The following FAM120A variants were observed in gnomAD, a reference collection of about 807,000 sequenced individuals.
FAM120A encodes family with sequence similarity 120 member A, also known as constitutive coactivator of PPAR-gamma-like protein 1.
FAM120A carries 15 observed loss-of-function variants against 109.7 expected under a neutral mutation model. The ratio of observed to expected loss-of-function variants is 0.14; its 90% CI spans 0.09 to 0.21. The LOEUF (loss-of-function observed/expected upper bound fraction) is 0.21, where lower values mean the gene tolerates loss of function less well. Ranked by LOEUF, FAM120A falls within the 10% of genes least tolerant of loss-of-function variation. The pLI is 1.00. For synonymous variants in FAM120A, 493 were observed against 572.8 expected (o/e 0.86, Z 1.99); for missense variants, 899 against 1,439.3 (o/e 0.62, Z 6.07).
Position 93,565,119 on chromosome 9 carries a change from A to G in FAM120A, c.*579A>G, listed in dbSNP as rs1862591750. The stretch of plus-strand genomic sequence containing the variant: ...TATCAAAACTAAAAAATTATAGAGT[A>G]ATATTGCCGTTCTGCTGATTTTAAA... On this transcript the variant is annotated 3_prime_UTR_variant, in exon 18 of 18. Transcript: ENST00000277165. The G allele has an allele frequency of 6.5e-6, 1 of 152,682 alleles. No individual in the cohort carries two copies. Among genetic ancestry groups the G allele is most frequent in the South Asian group, 2.1e-4 (1 of 4,838 alleles). The allele number at this position is 152,682 out of a possible 1,614,324, so 9.5% of individuals were successfully genotyped here.
chr9:93,563,836 T>C (rs558950792), intron 17 of FAM120A, among the ~76,000 whole-genome samples: 2 of 152,378 alleles, frequency 1.3e-5, no homozygotes, highest in South Asian at 2.1e-4. Context: ...GTGTGTGTGC[T>C]GCTGCACATC....
At chr9:93,501,339 TAA>T (rs1238261609) in intron 5 of FAM120A, among the ~76,000 whole-genome samples, 1 of 152,192 alleles carries the variant, frequency 6.6e-6, no homozygotes, top group Non-Finnish European at 1.5e-5. Context: ...CAAGGTGAGT[TAA>T]GTTTGAATAT....
At chr9:93,464,221 G>T (rs746302922) in intron 1 of FAM120A, among the ~76,000 whole-genome samples, 7 of 152,248 alleles carry the variant, frequency 4.6e-5, no homozygotes, top group Middle Eastern at 3.4e-3. Flanking sequence ...GTAAGTTTGG[G>T]AGTTTTTAAG....
intron 10 of FAM120A, among the ~76,000 whole-genome samples, chr9:93,537,081 C>T (rs1861542944): frequency 6.6e-6 from 1 of 152,206 alleles, no homozygotes; most frequent in Admixed American, 6.5e-5. Context: ...AAGGTTGGGC[C>T]TCGAGATGAG....
In FAM120A at chr9:93,543,579, A is replaced by G; in HGVS notation, c.2159+108A>G. 16 of 1,377,524 alleles carry G rather than the reference A, an allele frequency of 1.2e-5. No homozygotes were observed. The East Asian group carries it at 1.7e-4, about 14-fold the overall frequency. 85.3% of individuals were successfully genotyped at this position (1,377,524 alleles called of 1,614,324 possible). A position where few individuals can be genotyped will look rare whatever the true frequency, so the allele number is the denominator to read the frequency against. ...AGGATGTAAAGTTTATTCCTGATCA[A>G]TCATGTTGAAATTTATTGTCATCCC... On this transcript the variant is annotated intron_variant, in intron 11 of 17. Transcript: ENST00000277165.
At chr9:93,510,970 G>A (rs1860291394) in intron 5 of FAM120A, among the ~76,000 whole-genome samples, 1 of 151,738 alleles carries the variant, frequency 6.6e-6, no homozygotes, top group Admixed American at 6.5e-5. Flanking sequence ...TGGGGAGTGA[G>A]GAATGTTTAT....
intron 1 of FAM120A, chr9:93,453,551 T>A (rs770668216): frequency 1.1e-5 from 11 of 985,452 alleles, no homozygotes; most frequent in Non-Finnish European, 1.3e-5. Flanking sequence ...TTGCCCCCAC[T>A]GCCCGCGAGG....
chr9:93,515,255 CTT>C, intron 5 of FAM120A, among the ~76,000 whole-genome samples: 1 of 152,306 alleles, frequency 6.6e-6, no homozygotes, highest in East Asian at 1.9e-4. Context: ...TTCGGTCCGA[CTT>C]TGTTCCTTTC....
At position 93,452,782 on chromosome 9, in the gene FAM120A, T is replaced by A; in HGVS notation, c.474+393T>A. ...TACTCCCTTTTCTAATTTAGCCTGT[T>A]CTTTCCCAGCAACAGGTTCATCTTG... is the stretch of plus-strand genomic sequence containing the variant. On this transcript the variant is annotated intron_variant, in intron 1 of 17. Coordinates refer to ENST00000277165, the MANE Select transcript of FAM120A (RefSeq NM_014612.5). This position sits in a 1 kb window ranked among gnomAD's most constrained non-coding sequence, Gnocchi z 7.0. The A allele has an allele frequency of 2.5e-6, 4 of 1,593,968 alleles. No homozygotes were observed. Among genetic ancestry groups the A allele is most frequent in the Non-Finnish European group, 3.4e-6 (4 of 1,178,434 alleles).
chr9:93,544,734 C>T (rs1459318691), intron 11 of FAM120A, among the ~76,000 whole-genome samples: 4 of 152,174 alleles, frequency 2.6e-5, no homozygotes, highest in Non-Finnish European at 5.9e-5. Context: ...CCAACAGTGT[C>T]CTTTATGACA....
chr9:93,558,449 G>T, intron 14 of FAM120A, 132 bp from the exon 15 acceptor site: 1 of 1,135,032 alleles, frequency 8.8e-7, no homozygotes, highest in Non-Finnish European at 1.2e-6. Flanking sequence ...GGACAGTGAG[G>T]TGACAAGAGG....
intron 1 of FAM120A, among the ~76,000 whole-genome samples, chr9:93,458,479 C>T (rs1205494490): frequency 1.3e-5 from 2 of 152,086 alleles, no homozygotes; most frequent in Non-Finnish European, 2.9e-5. Context: ...AATAATGACA[C>T]ACCAGGCCAA....
At chr9:93,558,846 C>A (rs1288663593) in intron 15 of FAM120A, 128 bp downstream of exon 15, 3 of 1,086,002 alleles carry the variant, frequency 2.8e-6, no homozygotes, top group East Asian at 5.2e-5. Flanking sequence ...TCTTCTGGGT[C>A]CCCGCTCTGA....
intron 11 of FAM120A, among the ~76,000 whole-genome samples, chr9:93,546,644 G>A (rs1042946757): frequency 6.6e-5 from 10 of 152,188 alleles, no homozygotes; most frequent in African/African-American, 2.2e-4. Flanking sequence ...GGGCCTGGCA[G>A]CGGAGTGCTG....
chr9:93,453,042 C>T, intron 1 of FAM120A: 3 of 1,132,622 alleles, frequency 2.6e-6, no homozygotes, highest in South Asian at 2.3e-5. Context: ...TTTCAAAGAC[C>T]CGTGCACTTT....
chr9:93,485,251 G>A (rs139936394), intron 3 of FAM120A, among the ~76,000 whole-genome samples: 2,766 of 152,122 alleles, frequency 0.018, 44 homozygotes, highest in Non-Finnish European at 0.028. Flanking sequence ...GCCAAATCTG[G>A]CACCAGATTT....
At chr9:93,557,127 G>GGT (rs774897287) in intron 13 of FAM120A, among the ~76,000 whole-genome samples, 2 of 120,180 alleles carry the variant, frequency 1.7e-5, no homozygotes, top group African/African-American at 3.2e-5. Context: ...GTTTGTTTTG[G>GGT]TTTTTTTTTT....
intron 3 of FAM120A, among the ~76,000 whole-genome samples, chr9:93,488,390 G>A (rs749652826): frequency 4.9e-4 from 75 of 151,788 alleles, no homozygotes; most frequent in Admixed American, 1.3e-3. Flanking sequence ...TCCTCACCGG[G>A]GCCCTCCTGC....
chr9:93,468,889 T>C (rs10992746), intron 1 of FAM120A, among the ~76,000 whole-genome samples: 41,029 of 152,146 alleles, frequency 0.27, 6,602 homozygotes, highest in East Asian at 0.43. Context: ...TGTTTTACAA[T>C]ACTGACAGCA....
Sources: gnomAD v4.1 joint callset for allele counts (sites outside exome capture counted in the v4.1 genomes callset) on GRCh38, gnomAD v4.1.1 for gene constraint, Gnocchi (gnomAD v3.1) non-coding constraint, MANE v1.5 for transcripts, NCBI Gene and HGNC (gene_info 2026-07-23, HGNC 2026-07-21) for gene names.